SOX6: variants seen among roughly 807,000 people sequenced by gnomAD.
SOX6 encodes the protein SRY-box transcription factor 6, also known as transcription factor SOX-6.
In SOX6, 11 loss-of-function variants were observed where a neutral mutation model predicts 97.8. That is an observed-to-expected ratio of 0.11 (90% CI 0.07 to 0.19). The LOEUF (loss-of-function observed/expected upper bound fraction) is 0.19, where lower values mean the gene tolerates loss of function less well. SOX6 is among the 10% of genes least tolerant of loss of function. SOX6 has a pLI of 1.00. For synonymous variants in SOX6, 360 were observed against 371.4 expected (o/e 0.97, Z 0.35); for missense variants, 810 against 1,039.5 (o/e 0.78, Z 3.04).
chr11:16,075,380 C>T (rs1395436373), intron 9 of SOX6, among the ~76,000 whole-genome samples: 1 of 152,112 alleles, frequency 6.6e-6, no homozygotes, highest in Non-Finnish European at 1.5e-5. Flanking sequence ...TGGCACTGTT[C>T]ACAATAGCAA....
intron 3 of SOX6, among the ~76,000 whole-genome samples, chr11:16,293,331 C>G (rs1255997804): frequency 1.3e-5 from 2 of 152,086 alleles, no homozygotes; most frequent in East Asian, 1.9e-4. Context: ...CAGTGATAAA[C>G]AGCAACCACG....
intron 9 of SOX6, among the ~76,000 whole-genome samples, chr11:16,079,042 C>T (rs927872606): frequency 2.0e-5 from 3 of 152,078 alleles, no homozygotes; most frequent in African/African-American, 4.8e-5. Flanking sequence ...TGAGTTTCTA[C>T]GAAACACCAT....
chr11:16,544,034 C>T (rs1448691637), intron 4 of SOX6, among the ~76,000 whole-genome samples: 3 of 151,860 alleles, frequency 2.0e-5, no homozygotes, highest in Non-Finnish European at 2.9e-5. Context: ...AAATAGTATT[C>T]GCCAATAAAA....
At chr11:16,478,924 T>C (rs986586753), upstream of SOX6, among the ~76,000 whole-genome samples, 1 of 152,214 alleles carries the variant, frequency 6.6e-6, no homozygotes, top group Non-Finnish European at 1.5e-5. Flanking sequence ...ATCTGTTTGG[T>C]AAAATGAATC....
At chr11:16,722,222 G>A (rs1316243925) in intron 2 of SOX6, among the ~76,000 whole-genome samples, 3 of 152,050 alleles carry the variant, frequency 2.0e-5, no homozygotes, top group Non-Finnish European at 4.4e-5. Flanking sequence ...TATATCAATA[G>A]AATAAGTAGA....
chr11:16,480,152 A>G (rs904318063), upstream of SOX6, among the ~76,000 whole-genome samples: 4 of 152,202 alleles, frequency 2.6e-5, no homozygotes, highest in South Asian at 2.1e-4. Flanking sequence ...ATATGCATGT[A>G]TAAGTTTCAC....
chr11:16,103,677 T>C (rs1317199892), intron 7 of SOX6, among the ~76,000 whole-genome samples: 1 of 151,916 alleles, frequency 6.6e-6, no homozygotes, highest in Non-Finnish European at 1.5e-5. Flanking sequence ...ATATACACCA[T>C]GGAATACTAC....
chr11:16,386,729 T>C lies in SOX6; in HGVS notation c.-4-45477A>G, dbSNP rs76777232. Among the ~76,000 whole-genome samples the C allele has an allele frequency of 2.0e-5, 3 of 152,284 alleles. No individual in the cohort carries two copies. In the East Asian group the frequency reaches 5.8e-4, roughly 29 times the overall value. On this transcript the variant is annotated intron_variant, in intron 1 of 15. Coordinates refer to the SOX6 transcript ENST00000396356. Reference sequence around the variant, plus strand: ...ATTTATGTCTCAGCTTTAATACCACTAATGTATAGTCACCATCCTTGATCC... The same window carrying C: ...ATTTATGTCTCAGCTTTAATACCACCAATGTATAGTCACCATCCTTGATCC...
chr11:16,495,047 T>C lies in SOX6; in HGVS notation n.610-18659A>G, dbSNP rs957397781. On this transcript the variant is annotated intron_variant and non_coding_transcript_variant, in intron 4 of 5. Transcript: ENST00000524520. ...GCATCTCCACATCCCTGGATCCCCATTGACACCCTCCACCTGCAGCCAGTC... is the reference window on the plus strand; with the variant it reads ...GCATCTCCACATCCCTGGATCCCCACTGACACCCTCCACCTGCAGCCAGTC... Among the ~76,000 whole-genome samples the C allele has an allele frequency of 2.6e-5, 4 of 152,096 alleles. No homozygotes were observed. The South Asian group carries it at 6.2e-4, about 24-fold the overall frequency.
At chr11:16,492,828 A>G (rs915176933) in intron 4 of SOX6, among the ~76,000 whole-genome samples, 1 of 152,244 alleles carries the variant, frequency 6.6e-6, no homozygotes, top group Non-Finnish European at 1.5e-5. Flanking sequence ...AAACGGATTC[A>G]TAAAAGAGGA....
At chr11:16,396,902 A>C (rs2134435434) in intron 1 of SOX6, among the ~76,000 whole-genome samples, 1 of 151,590 alleles carries the variant, frequency 6.6e-6, no homozygotes, top group African/African-American at 2.4e-5. Flanking sequence ...TGCAATTCAC[A>C]AATACCATAA....
At chr11:15,984,503 G>C (rs1853765595) in intron 15 of SOX6, among the ~76,000 whole-genome samples, 1 of 152,114 alleles carries the variant, frequency 6.6e-6, no homozygotes, top group Non-Finnish European at 1.5e-5. Flanking sequence ...GTACTAACGG[G>C]ATTAAAAGAG....
In SOX6 at chr11:16,080,572, C is replaced by T. The variant is rs118129764; in HGVS notation, c.1101+15424G>A. Among the ~76,000 whole-genome samples the T allele has an allele frequency of 9.2e-5, 14 of 152,256 alleles. No homozygotes were observed. The East Asian group carries it at 2.7e-3, about 29-fold the overall frequency. On this transcript the variant is annotated intron_variant, in intron 9 of 15. Coordinates refer to ENST00000683767, the MANE Select transcript of SOX6 (RefSeq NM_001367873.1). ...AGGTACATTCTTCTTTAACAGAAAT[C>T]ACTCTAAAGATCTTATTCAGAAAAA...
At chr11:16,370,605 A>G (rs900514731) in intron 1 of SOX6, among the ~76,000 whole-genome samples, 12 of 152,030 alleles carry the variant, frequency 7.9e-5, no homozygotes, top group Non-Finnish European at 1.3e-4. Flanking sequence ...TGCCTACTCC[A>G]TATCTCCATT....
chr11:16,217,297 C>T lies in SOX6; in HGVS notation c.535+17285G>A, dbSNP rs368832203. Reference sequence around the variant, plus strand: ...TCCTGCAACCTGAGCACAACAGCTACGTGTTTGAACAGTAGAGGTGGTTTT... The same window carrying T: ...TCCTGCAACCTGAGCACAACAGCTATGTGTTTGAACAGTAGAGGTGGTTTT... On this transcript the variant is annotated intron_variant, in intron 4 of 15. Transcript: ENST00000683767. Among the ~76,000 whole-genome samples, 36 of 152,190 alleles carry T rather than the reference C, an allele frequency of 2.4e-4. No homozygotes were observed. In the East Asian group the frequency reaches 6.0e-3, roughly 25 times the overall value.
intron 4 of SOX6, among the ~76,000 whole-genome samples, chr11:16,536,990 A>G (rs1861318933): frequency 6.6e-6 from 1 of 152,212 alleles, no homozygotes; most frequent in Admixed American, 6.5e-5. Flanking sequence ...GAACAGACTG[A>G]CTGCTTCCTC....
chr11:16,015,345 C>A (rs545390205), intron 12 of SOX6: 3 of 427,590 alleles, frequency 7.0e-6, no homozygotes, highest in Non-Finnish European at 1.3e-5. Context: ...CTAAAAACAA[C>A]GCAATAGAGA....
chr11:16,404,544 G>T (rs1858643677), intron 1 of SOX6, among the ~76,000 whole-genome samples: 1 of 151,794 alleles, frequency 6.6e-6, no homozygotes, highest in Non-Finnish European at 1.5e-5. Context: ...TAAACTAAAA[G>T]TTGCAAGATA....
At chr11:16,159,623 T>C (rs1211488392) in intron 6 of SOX6, among the ~76,000 whole-genome samples, 1 of 152,152 alleles carries the variant, frequency 6.6e-6, no homozygotes, top group Non-Finnish European at 1.5e-5. Flanking sequence ...AGTAACCTAA[T>C]AACTATGCAC....
Sources: gnomAD v4.1 joint callset for allele counts (sites outside exome capture counted in the v4.1 genomes callset) on GRCh38, gnomAD v4.1.1 for gene constraint, MANE v1.5 for transcripts, NCBI Gene and HGNC (gene_info 2026-07-23, HGNC 2026-07-21) for gene names.